TTC7B: variants seen among roughly 807,000 people sequenced by gnomAD.
TTC7B encodes the protein tetratricopeptide repeat protein 7B.
TTC7B carries 28 observed loss-of-function variants against 106.8 expected under a neutral mutation model. The observed-to-expected ratio is 0.26, with a 90% CI of 0.19 to 0.36. The LOEUF is 0.36. Among genes scored for constraint, TTC7B ranks in the 10% least tolerant of loss-of-function variants. The probability of loss-of-function intolerance (pLI) is 1.00; values close to 1 mark genes in which losing one functional copy is unlikely to be tolerated. For synonymous variants in TTC7B, 405 were observed against 430.6 expected (o/e 0.94, Z 0.74); for missense variants, 862 against 1,076.4 (o/e 0.80, Z 2.79).
intron 1 of TTC7B, among the ~76,000 whole-genome samples, chr14:90,804,058 G>A (rs1054452499): frequency 8.5e-5 from 13 of 152,210 alleles, no homozygotes; most frequent in South Asian, 2.1e-4. Flanking sequence ...AGCTGTGGCC[G>A]GGCGTTGTGG....
chr14:90,619,041 T>A (rs1166029168), intron 15 of TTC7B, among the ~76,000 whole-genome samples: 1 of 152,172 alleles, frequency 6.6e-6, no homozygotes, highest in Non-Finnish European at 1.5e-5. Context: ...GTAGCTGGGA[T>A]TACAGGCATC....
At chr14:90,586,654 T>A (rs1289216697) in intron 18 of TTC7B, among the ~76,000 whole-genome samples, 2 of 152,192 alleles carry the variant, frequency 1.3e-5, no homozygotes, top group Non-Finnish European at 2.9e-5. Flanking sequence ...TAGGCCGTCT[T>A]AGCACCTATC....
At chr14:90,640,478 A>C (rs1885127049) in intron 15 of TTC7B, among the ~76,000 whole-genome samples, 1 of 151,566 alleles carries the variant, frequency 6.6e-6, no homozygotes, top group Non-Finnish European at 1.5e-5. Context: ...GATACGTGTA[A>C]GTATATATGT....
At chr14:90,593,901 C>G (rs752897769) in intron 17 of TTC7B, 1 of 324,218 alleles carries the variant, frequency 3.1e-6, no homozygotes, top group Non-Finnish European at 5.6e-6. Context: ...GGGCCAGATA[C>G]ACAGCTGTGA....
intron 15 of TTC7B, 102 bp downstream of exon 15, chr14:90,643,946 A>G: frequency 1.5e-6 from 2 of 1,363,384 alleles, no homozygotes; most frequent in Non-Finnish European, 2.1e-6. Context: ...ATTGACTGCC[A>G]GGGTGTCCAT....
chr14:90,793,772 C>G (rs1349480184), intron 1 of TTC7B, among the ~76,000 whole-genome samples: 1 of 151,172 alleles, frequency 6.6e-6, no homozygotes, highest in East Asian at 2.0e-4. Context: ...CTATGCCCAG[C>G]TAATTTTGTA....
chr14:90,606,826 C>T lies in TTC7B; in HGVS notation c.1966+3916G>A, dbSNP rs541262993. 1.8e-4 allele frequency among the ~76,000 whole-genome samples: 27 copies of T among 152,360 alleles called. 1 individual carries two copies. Among genetic ancestry groups the T allele is most frequent in the Non-Finnish European group, 3.8e-4 (26 of 68,040 alleles). The stretch of plus-strand genomic sequence containing the variant: ...GGTGACTCCTCATGTTATTCCACAG[C>T]TCTGCATATGGACAATTTCAGAGGT... On this transcript the variant is annotated intron_variant, in intron 17 of 19. Coordinates refer to ENST00000328459, the MANE Select transcript of TTC7B (RefSeq NM_001010854.2).
chr14:90,731,915 C>T (rs1465713741), intron 4 of TTC7B, among the ~76,000 whole-genome samples: 1 of 152,168 alleles, frequency 6.6e-6, no homozygotes, highest in Non-Finnish European at 1.5e-5. Context: ...AAAAATCATC[C>T]TTCATTTGCT....
intron 4 of TTC7B, among the ~76,000 whole-genome samples, chr14:90,743,292 C>T (rs760743036): frequency 5.6e-4 from 85 of 152,176 alleles, no homozygotes; most frequent in Non-Finnish European, 9.7e-4. Flanking sequence ...GTGATTCTCA[C>T]TCTAATCTCC....
chr14:90,751,580 T>A (rs145432527), intron 3 of TTC7B, among the ~76,000 whole-genome samples: 145 of 151,776 alleles, frequency 9.6e-4, no homozygotes, highest in East Asian at 3.7e-3. Flanking sequence ...TTATTTATTT[T>A]TTTATTTTTT....
chr14:90,689,294 G>A (rs772215971), intron 7 of TTC7B, among the ~76,000 whole-genome samples: 1 of 152,194 alleles, frequency 6.6e-6, no homozygotes, highest in Non-Finnish European at 1.5e-5. Context: ...AATAGTGATG[G>A]CTGCAAATGG....
chr14:90,583,705 T>C (rs971823330), intron 18 of TTC7B, among the ~76,000 whole-genome samples: 1 of 152,090 alleles, frequency 6.6e-6, no homozygotes, highest in South Asian at 2.1e-4. Context: ...GCTGACTGCC[T>C]CTCACCAAAG....
intron 15 of TTC7B, among the ~76,000 whole-genome samples, chr14:90,626,660 G>A (rs1206704042): frequency 3.9e-5 from 6 of 152,170 alleles, no homozygotes; most frequent in African/African-American, 9.7e-5. Context: ...TTTTTGAAAC[G>A]TGCACTGGCC....
chr14:90,663,266 G>A lies in TTC7B; in HGVS notation c.1153-4879C>T, dbSNP rs559359102. Among the ~76,000 whole-genome samples, 115 of 152,172 alleles carry A rather than the reference G, an allele frequency of 7.6e-4. 1 individual carries two copies. The highest frequency in any genetic ancestry group is 2.4e-3 in the African/African-American group (101 of 41,496). On this transcript the variant is annotated intron_variant, in intron 9 of 19. Coordinates refer to ENST00000328459, the MANE Select transcript of TTC7B (RefSeq NM_001010854.2). The surrounding 1 kb of genome is among the most constrained non-coding windows in gnomAD (Gnocchi z 4.5). ...TGGTGGAGCCAGCTGGGAGTGAAGC[G>A]GTCTGCTTCCAGAGACTGAGCTCTT... is the stretch of plus-strand genomic sequence containing the variant.
Position 90,566,534 on chromosome 14 carries a change from C to CA in TTC7B, c.2310+11571dup, listed in dbSNP as rs35535370. 2.5e-3 allele frequency among the ~76,000 whole-genome samples: 371 copies of CA among 150,546 alleles called. 2 individuals are homozygous for CA. Among genetic ancestry groups the CA allele is most frequent in the African/African-American group, 8.7e-3 (355 of 40,976 alleles). Reference sequence around the variant, plus strand: ...TGACTAGTTGATGTTCTGAAAGACTCAAAAAAAGAAAAAAAAGAATGAAAA... The same window carrying CA: ...TGACTAGTTGATGTTCTGAAAGACTCAAAAAAAAGAAAAAAAAGAATGAAAA... On this transcript the variant is annotated intron_variant, in intron 19 of 19. Transcript: ENST00000328459.
At chr14:90,693,670 A>C (rs537712863) in intron 6 of TTC7B, among the ~76,000 whole-genome samples, 12 of 152,334 alleles carry the variant, frequency 7.9e-5, no homozygotes, top group African/African-American at 2.4e-4. Flanking sequence ...GAATATCACC[A>C]CACTCCCACC....
rs75772101 is a variant in TTC7B at position 90,744,047 on chromosome 14, C to T, written c.576+745G>A. ...ATCCCTGATGGTCTCCGGGGATACC[C>T]GATGTACTCAGCTCGGTCTACTTCG... On this transcript the variant is annotated intron_variant, in intron 4 of 19. Coordinates refer to ENST00000328459, the MANE Select transcript of TTC7B (RefSeq NM_001010854.2). 7.7e-3 allele frequency among the ~76,000 whole-genome samples: 1,177 copies of T among 152,320 alleles called. 14 individuals are homozygous for T. The highest frequency in any genetic ancestry group is 0.027 in the African/African-American group (1,135 of 41,570).
intron 19 of TTC7B, among the ~76,000 whole-genome samples, chr14:90,564,657 C>CAA (rs1169630983): frequency 6.6e-6 from 1 of 152,160 alleles, no homozygotes; most frequent in Non-Finnish European, 1.5e-5. Context: ...CCTGTAATTT[C>CAA]AACACTTTTG....
chr14:90,708,958 G>C (rs1888322698), intron 5 of TTC7B, among the ~76,000 whole-genome samples: 1 of 151,244 alleles, frequency 6.6e-6, no homozygotes, highest in East Asian at 1.9e-4. Context: ...CTGGCCATCA[G>C]AGAAATGCAA....
Sources: allele counts gnomAD v4.1 joint callset (sites outside exome capture counted in the v4.1 genomes callset), GRCh38; gene constraint gnomAD v4.1.1; non-coding constraint Gnocchi (gnomAD v3.1); transcripts MANE v1.5; gene names NCBI Gene and HGNC (gene_info 2026-07-23, HGNC 2026-07-21).